Variants in GRIA2 observed in about 807,000 individuals in gnomAD.
The protein encoded by GRIA2 is glutamate ionotropic receptor AMPA type subunit 2, also known as glutamate receptor 2.
A neutral mutation model predicts 97.3 loss-of-function variants in GRIA2; 14 were observed. The observed-to-expected ratio is 0.14, with a 90% confidence interval of 0.10 to 0.23. GRIA2 has a LOEUF of 0.23. Ranked by LOEUF, GRIA2 falls within the 10% of genes least tolerant of loss-of-function variation. The pLI is 1.00. For missense variants in GRIA2, 558 were observed against 1,069.8 expected (o/e 0.52, Z 6.67); for synonymous variants, 412 against 387.8 (o/e 1.06, Z -0.73).
At chr4:157,243,050 G>C (rs763973249) in intron 2 of GRIA2, among the ~76,000 whole-genome samples, 1 of 151,952 alleles carries the variant, frequency 6.6e-6, no homozygotes, top group Non-Finnish European at 1.5e-5. Flanking sequence ...TTCCCAAAAG[G>C]ACACTTGTTT....
chr4:157,273,083 A>C (rs1345965657), intron 2 of GRIA2, among the ~76,000 whole-genome samples: 1 of 152,084 alleles, frequency 6.6e-6, no homozygotes, highest in Non-Finnish European at 1.5e-5. Context: ...AAATGATACA[A>C]ATAAAAATAT....
intron 2 of GRIA2, among the ~76,000 whole-genome samples, chr4:157,291,960 A>T (rs912268459): frequency 2.0e-5 from 3 of 152,066 alleles, no homozygotes; most frequent in Non-Finnish European, 4.4e-5. Context: ...AGAAAGATAT[A>T]AAATATCTAG....
At chr4:157,362,770 A>G in intron 14 of GRIA2, 29 bp from the exon 15 acceptor site, 1 of 1,589,872 alleles carries the variant, frequency 6.3e-7, no homozygotes, top group Non-Finnish European at 8.6e-7. Context: ...TTGCCTTCCT[A>G]ATAACCTCTT....
At chr4:157,343,821 T>C (rs778129522) in intron 12 of GRIA2, among the ~76,000 whole-genome samples, 1 of 152,134 alleles carries the variant, frequency 6.6e-6, no homozygotes, top group Non-Finnish European at 1.5e-5. Flanking sequence ...AAATTATGTA[T>C]ATAAAAGTTT....
At position 157,335,727 on chromosome 4, in the gene GRIA2, C is replaced by T. The variant is rs1426385685; in HGVS notation, c.1323C>T (p.Arg441=). ...ATGAAATGCTTGAAGGCAATGAGCG[C>T]TATGAGGGCTACTGTGTTGACCTGG... ...KNHEMLEGNE[R]YEGYCVDLAA... Residue 441 remains arginine (R), a synonymous_variant, in exon 10 of 16, where the codon CGC becomes CGT. Coordinates refer to ENST00000264426, the MANE Select transcript of GRIA2 (RefSeq NM_001083619.3). The T allele has an allele frequency of 6.2e-7, 1 of 1,612,422 alleles. No individual in the cohort carries two copies. The highest frequency in any genetic ancestry group is 8.5e-7 in the Non-Finnish European group (1 of 1,178,778).
chr4:157,284,011 A>G (rs905749116), intron 2 of GRIA2, among the ~76,000 whole-genome samples: 2 of 151,892 alleles, frequency 1.3e-5, no homozygotes, highest in African/African-American at 4.8e-5. Flanking sequence ...AATATAGTAA[A>G]TTCATATTTA....
chr4:157,277,922 A>G (rs1044432649), intron 2 of GRIA2, among the ~76,000 whole-genome samples: 2 of 119,768 alleles, frequency 1.7e-5, no homozygotes, highest in South Asian at 2.6e-4. Context: ...ATATATATGT[A>G]TATATATATG....
intron 6 of GRIA2, among the ~76,000 whole-genome samples, chr4:157,325,911 G>C (rs531617574): frequency 6.6e-6 from 1 of 152,192 alleles, no homozygotes; most frequent in South Asian, 2.1e-4. Flanking sequence ...TTCCATCCTT[G>C]TGGTCCTTTT....
At chr4:157,330,291 G>C (rs1734992238) in intron 6 of GRIA2, among the ~76,000 whole-genome samples, 1 of 151,872 alleles carries the variant, frequency 6.6e-6, no homozygotes, top group Non-Finnish European at 1.5e-5. Context: ...CTAAACTATA[G>C]TCAACTAAAT....
chr4:157,224,974 T>G (rs1729677472), intron 2 of GRIA2, among the ~76,000 whole-genome samples: 1 of 152,120 alleles, frequency 6.6e-6, no homozygotes, highest in Non-Finnish European at 1.5e-5. Context: ...AGAGCTAAAT[T>G]TACGTATTAA....
At chr4:157,322,429 C>T (rs1040220992) in intron 6 of GRIA2, among the ~76,000 whole-genome samples, 5 of 152,080 alleles carry the variant, frequency 3.3e-5, no homozygotes, top group Non-Finnish European at 5.9e-5. Flanking sequence ...TTATTTGTTC[C>T]TCAGGTATAA....
At chr4:157,248,117 A>T (rs1730816843) in intron 2 of GRIA2, among the ~76,000 whole-genome samples, 1 of 151,192 alleles carries the variant, frequency 6.6e-6, no homozygotes, top group South Asian at 2.1e-4. Context: ...ATCAAAATTT[A>T]TATTAGAATT....
chr4:157,237,883 C>T (rs1022466642), intron 2 of GRIA2, among the ~76,000 whole-genome samples: 1 of 152,002 alleles, frequency 6.6e-6, no homozygotes, highest in Non-Finnish European at 1.5e-5. Flanking sequence ...ATGGACTACT[C>T]GTTTTGCATA....
At chr4:157,284,112 G>C (rs573663613) in intron 2 of GRIA2, among the ~76,000 whole-genome samples, 4 of 151,794 alleles carry the variant, frequency 2.6e-5, no homozygotes, top group Non-Finnish European at 5.9e-5. Context: ...TTTGTAAGTG[G>C]CGTGACCCAG....
intron 12 of GRIA2, among the ~76,000 whole-genome samples, chr4:157,357,988 A>C (rs1178292967): frequency 6.6e-6 from 1 of 152,136 alleles, no homozygotes; most frequent in Non-Finnish European, 1.5e-5. Flanking sequence ...AACTTGGAAA[A>C]ATTGACATTT....
chr4:157,357,867 C>T (rs867477470), intron 12 of GRIA2, among the ~76,000 whole-genome samples: 5 of 151,808 alleles, frequency 3.3e-5, no homozygotes, highest in African/African-American at 1.2e-4. Flanking sequence ...TTAAAACCAG[C>T]CGAAAATATT....
chr4:157,241,394 T>C (rs1219022755), intron 2 of GRIA2, among the ~76,000 whole-genome samples: 1 of 152,134 alleles, frequency 6.6e-6, no homozygotes, highest in African/African-American at 2.4e-5. Flanking sequence ...AATGGGAACT[T>C]TTAAAGTCCA....
In GRIA2 at chr4:157,332,794, A is replaced by G. The variant is rs746101408; in HGVS notation, c.883-25A>G. The G allele has an allele frequency of 9.5e-6, 15 of 1,584,448 alleles. No homozygotes were observed. In the East Asian group the frequency reaches 3.4e-4, roughly 36 times the overall value. On this transcript the variant is annotated intron_variant, in intron 6 of 15. Transcript: ENST00000264426. ...AGTTTCTGAATTTTCTCCCGTTCTT[A>G]TGAAATGTGTGTGATCCTTTGCAGT...
At chr4:157,221,869 T>C in intron 2 of GRIA2, 62 bp downstream of exon 2, 1 of 1,489,286 alleles carries the variant, frequency 6.7e-7, no homozygotes. Context: ...AGTGTGAGTG[T>C]GTGTGTGCGT....
Sources: gnomAD v4.1 joint callset for allele counts (sites outside exome capture counted in the v4.1 genomes callset) on GRCh38, gnomAD v4.1.1 for gene constraint, MANE v1.5 for transcripts, NCBI Gene and HGNC (gene_info 2026-07-23, HGNC 2026-07-21) for gene names.